The following PPP2R2B variants were observed in gnomAD, a reference collection of about 807,000 sequenced individuals.
PPP2R2B encodes the protein protein phosphatase 2 regulatory subunit Bbeta.
In PPP2R2B, 5 loss-of-function variants were observed where a neutral mutation model predicts 46.0. That is an observed-to-expected ratio of 0.11 (90% confidence interval 0.06 to 0.23). PPP2R2B has a LOEUF of 0.23. Among genes scored for constraint, PPP2R2B ranks in the 10% least tolerant of loss-of-function variants. PPP2R2B has a pLI of 1.00. For synonymous variants in PPP2R2B, 215 were observed against 206.7 expected, an observed-to-expected ratio of 1.04 and a Z score of -0.34; for missense variants, 367 against 575.0, an observed-to-expected ratio of 0.64 and a Z score of 3.70.
chr5:146,878,300 G>T lies in PPP2R2B; in HGVS notation c.-124-105C>A, dbSNP rs893600881. 40 of 1,455,918 alleles carry T rather than the reference G, an allele frequency of 2.7e-5. No individual in the cohort carries two copies. The African/African-American group carries it at 3.1e-4, about 11-fold the overall frequency. The allele number at this position is 1,455,918 out of a possible 1,614,324, so 90.2% of individuals were successfully genotyped here. A position where few individuals can be genotyped will look rare whatever the true frequency, so the allele number is the denominator to read the frequency against. ...GCGAGGCTGCGGCGGCTCCTCCCGC[G>T]CGGTGCGCTCACTCCAGCTCCAGTT... is the stretch of plus-strand genomic sequence containing the variant. On this transcript the variant is annotated intron_variant, in intron 1 of 9. Coordinates refer to ENST00000394411, the MANE Select transcript of PPP2R2B (RefSeq NM_181675.4). The surrounding 1 kb of genome is among the most constrained non-coding windows in gnomAD (Gnocchi z 4.5).
At chr5:146,929,113 T>C (rs1582445871) in intron 1 of PPP2R2B, among the ~76,000 whole-genome samples, 1 of 152,274 alleles carries the variant, frequency 6.6e-6, no homozygotes, top group African/African-American at 2.4e-5. Context: ...AACCCTATCC[T>C]TCCCATCTGT....
chr5:146,685,603 G>A (rs1778442830), intron 5 of PPP2R2B, among the ~76,000 whole-genome samples: 1 of 152,152 alleles, frequency 6.6e-6, no homozygotes, highest in Non-Finnish European at 1.5e-5. Flanking sequence ...CCTCATTCAG[G>A]AGTCAGAGCT....
At chr5:146,994,789 A>G (rs1167604333) in intron 1 of PPP2R2B, among the ~76,000 whole-genome samples, 1 of 152,206 alleles carries the variant, frequency 6.6e-6, no homozygotes. Context: ...ACTTTAATGT[A>G]TCATATACTC....
intron 5 of PPP2R2B, among the ~76,000 whole-genome samples, chr5:146,652,267 T>C (rs996674836): frequency 4.6e-5 from 7 of 152,302 alleles, no homozygotes; most frequent in Non-Finnish European, 1.0e-4. Flanking sequence ...GTGACCATGC[T>C]CCCTGTGCTC....
chr5:146,622,798 C>T (rs1352781797), intron 7 of PPP2R2B, among the ~76,000 whole-genome samples: 2 of 152,150 alleles, frequency 1.3e-5, no homozygotes, highest in East Asian at 3.9e-4. Context: ...TGGGGCAGAG[C>T]ACCATAAAAT....
At chr5:146,758,911 C>T (rs1015027828) in intron 2 of PPP2R2B, among the ~76,000 whole-genome samples, 1 of 152,086 alleles carries the variant, frequency 6.6e-6, no homozygotes, top group African/African-American at 2.4e-5. Flanking sequence ...CAATCCCTGC[C>T]CTCTCTTACA....
At chr5:146,997,680 A>C (rs1191000538) in intron 1 of PPP2R2B, among the ~76,000 whole-genome samples, 5 of 152,220 alleles carry the variant, frequency 3.3e-5, no homozygotes, top group Admixed American at 1.3e-4. Context: ...TCATTATTTT[A>C]AGCTAACAGT....
intron 2 of PPP2R2B, among the ~76,000 whole-genome samples, chr5:146,777,556 C>A (rs1351423770): frequency 6.6e-6 from 1 of 152,076 alleles, no homozygotes; most frequent in Non-Finnish European, 1.5e-5. Context: ...AATTGCACAA[C>A]ACTGTGAATG....
rs1234969591 is a variant in PPP2R2B at position 146,677,056 on chromosome 5, T to C, written c.447+14072A>G. Among the ~76,000 whole-genome samples the C allele has an allele frequency of 6.8e-5, 7 of 103,526 alleles. No individual in the cohort carries two copies. The South Asian group carries it at 8.6e-4, about 13-fold the overall frequency. 67.9% of individuals were successfully genotyped at this position (103,526 alleles called of 152,430 possible). On this transcript the variant is annotated intron_variant, in intron 5 of 9. Coordinates refer to ENST00000394411, the MANE Select transcript of PPP2R2B (RefSeq NM_181675.4). ...CTCCTGAACTCCTATCTTTGTTGTC[T>C]GCTTTGTCTGCTTTGACGATCTTAT...
Position 146,693,835 on chromosome 5 carries a change from C to T in PPP2R2B, c.335-2595G>A, listed in dbSNP as rs114852226. 7.2e-4 allele frequency among the ~76,000 whole-genome samples: 110 copies of T among 152,294 alleles called. 1 individual carries two copies. The highest frequency in any genetic ancestry group is 2.6e-3 in the African/African-American group (107 of 41,560). Reference sequence around the variant, plus strand: ...ATTAGCAAATTGGGCAACTATTCTGCCATAATAACATGTTGCTCTGACAGC... The same window carrying T: ...ATTAGCAAATTGGGCAACTATTCTGTCATAATAACATGTTGCTCTGACAGC... On this transcript the variant is annotated intron_variant, in intron 4 of 9. Coordinates refer to ENST00000394411, the MANE Select transcript of PPP2R2B (RefSeq NM_181675.4).
At chr5:146,659,155 G>A (rs1345789742) in intron 5 of PPP2R2B, among the ~76,000 whole-genome samples, 2 of 152,294 alleles carry the variant, frequency 1.3e-5, no homozygotes, top group Non-Finnish European at 2.9e-5. Context: ...TATTCTTTTA[G>A]TGGGTATTGG....
rs369406224 is a variant in PPP2R2B at position 146,988,090 on chromosome 5, A to T, written c.79+67575T>A. The stretch of plus-strand genomic sequence containing the variant: ...ATATAACAGTTGTAAATATATATGC[A>T]CCCAACACTAGAGTACCTAATTATA... On this transcript the variant is annotated intron_variant, in intron 1 of 8. Coordinates refer to the PPP2R2B transcript ENST00000336640. 1.1e-3 allele frequency among the ~76,000 whole-genome samples: 167 copies of T among 152,128 alleles called. 1 individual carries two copies. Among genetic ancestry groups the T allele is most frequent in the African/African-American group, 3.8e-3 (156 of 41,568 alleles).
intron 1 of PPP2R2B, among the ~76,000 whole-genome samples, chr5:146,974,993 T>G (rs1158345400): frequency 6.6e-6 from 1 of 152,152 alleles, no homozygotes; most frequent in African/African-American, 2.4e-5. Context: ...CCCGCCTATT[T>G]TTTAAATTTC....
chr5:146,976,515 A>T (rs898509693), intron 1 of PPP2R2B, among the ~76,000 whole-genome samples: 1 of 152,110 alleles, frequency 6.6e-6, no homozygotes, highest in Non-Finnish European at 1.5e-5. Context: ...TACAAAGGTA[A>T]GGGGGCAACT....
intron 1 of PPP2R2B, among the ~76,000 whole-genome samples, chr5:146,987,050 TG>T (rs1753464647): frequency 6.6e-6 from 1 of 152,128 alleles, no homozygotes; most frequent in South Asian, 2.1e-4. Context: ...CCAATATGTC[TG>T]GCAGCAGGTT....
At chr5:146,804,166 C>CAA (rs559681616) in intron 2 of PPP2R2B, among the ~76,000 whole-genome samples, 1 of 133,294 alleles carries the variant, frequency 7.5e-6, no homozygotes, top group South Asian at 2.4e-4. Flanking sequence ...GACTCTGTCT[C>CAA]AAAAAAAAAA....
chr5:146,782,765 T>C (rs1320688772), intron 2 of PPP2R2B, among the ~76,000 whole-genome samples: 2 of 152,074 alleles, frequency 1.3e-5, no homozygotes, highest in East Asian at 3.9e-4. Flanking sequence ...TATTTCAATA[T>C]GTAAAATGCT....
At chr5:146,686,912 G>A (rs1246325017) in intron 5 of PPP2R2B, among the ~76,000 whole-genome samples, 1 of 151,988 alleles carries the variant, frequency 6.6e-6, no homozygotes, top group Non-Finnish European at 1.5e-5. Context: ...GGGAGGTTGG[G>A]GAAGAAGGGC....
intron 1 of PPP2R2B, among the ~76,000 whole-genome samples, chr5:147,018,254 T>C (rs879605064): frequency 2.6e-5 from 4 of 152,104 alleles, no homozygotes; most frequent in Non-Finnish European, 4.4e-5. Flanking sequence ...AATAAAAGTG[T>C]AGAAATTGCA....
Sources: gnomAD v4.1 joint callset for allele counts (sites outside exome capture counted in the v4.1 genomes callset) on GRCh38, gnomAD v4.1.1 for gene constraint, Gnocchi (gnomAD v3.1) non-coding constraint, MANE v1.5 for transcripts, NCBI Gene and HGNC (gene_info 2026-07-23, HGNC 2026-07-21) for gene names.